RASL12: variants seen among roughly 807,000 people sequenced by gnomAD.
The protein encoded by RASL12 is ras-like protein family member 12.
In RASL12, 16 loss-of-function variants were observed where a neutral mutation model predicts 22.9. The ratio of observed to expected loss-of-function variants is 0.70; its 90% CI spans 0.47 to 1.06. The LOEUF is 1.06. Ranked by LOEUF, RASL12 falls within the 50% of genes least tolerant of loss-of-function variation. RASL12 has a pLI of 0.00. For synonymous variants in RASL12, 159 were observed against 152.2 expected (o/e 1.04, Z -0.33); for missense variants, 306 against 353.1 (o/e 0.87, Z 1.07).
At chr15:65,057,900 A>G (rs1477407435) in intron 4 of RASL12, among the ~76,000 whole-genome samples, 1 of 152,178 alleles carries the variant, frequency 6.6e-6, no homozygotes, top group African/African-American at 2.4e-5. Context: ...TTCAGGGTGC[A>G]GTTGCTGTGT....
intron 2 of RASL12, 64 bp downstream of exon 2, chr15:65,065,153 G>A (rs2232753): frequency 0.84 from 1,277,378 of 1,514,348 alleles, 539,490 homozygotes; most frequent in East Asian, 0.98. Context: ...CCCACGGGGT[G>A]GGTCCCAGGA....
chr15:65,068,941 C>T (rs555497348), upstream of RASL12, among the ~76,000 whole-genome samples: 98 of 152,336 alleles, frequency 6.4e-4, no homozygotes, highest in African/African-American at 2.3e-3. The surrounding 1 kb of genome is among the most constrained non-coding windows in gnomAD (Gnocchi z 4.2). Context: ...AGAATCAGCC[C>T]TGGGCTCCAG....
downstream of RASL12, among the ~76,000 whole-genome samples, chr15:65,048,709 T>TA (rs796240269): frequency 5.4e-4 from 82 of 152,246 alleles, 1 homozygote; most frequent in African/African-American, 1.8e-3. Flanking sequence ...CGTGTCCTTT[T>TA]AAAAAAATGT....
chr15:65,060,971 T>C (rs924125718), intron 2 of RASL12, among the ~76,000 whole-genome samples: 9 of 152,236 alleles, frequency 5.9e-5, no homozygotes, highest in African/African-American at 1.9e-4. Flanking sequence ...AATGTTTAAC[T>C]ATATTTGGTC....
At chr15:65,049,746 C>T (rs956319511), downstream of RASL12, 2 of 368,954 alleles carry the variant, frequency 5.4e-6, no homozygotes, top group Non-Finnish European at 9.8e-6. Flanking sequence ...CTCCCACTTC[C>T]AGTCTCTGCC....
upstream of RASL12, among the ~76,000 whole-genome samples, chr15:65,070,295 AATAAGT>A (rs1347990069): frequency 6.6e-6 from 1 of 152,236 alleles, no homozygotes; most frequent in East Asian, 1.9e-4. Flanking sequence ...GGACAATATC[AATAAGT>A]ATATTAGATA....
chr15:65,068,515 G>A (rs1173930064), upstream of RASL12, among the ~76,000 whole-genome samples: 1 of 152,188 alleles, frequency 6.6e-6, no homozygotes, highest in African/African-American at 2.4e-5. The surrounding 1 kb of genome is among the most constrained non-coding windows in gnomAD (Gnocchi z 4.2). Flanking sequence ...GGGGCGGGGC[G>A]GAGAGAACCC....
chr15:65,068,236 G>A, upstream of RASL12: 2 of 988,534 alleles, frequency 2.0e-6, no homozygotes, highest in African/African-American at 3.5e-5. The surrounding 1 kb of genome is among the most constrained non-coding windows in gnomAD (Gnocchi z 4.2). Context: ...CCAGGGCTAG[G>A]GGGAGAGAGG....
At chr15:65,058,643 CG>C (rs377580523) in intron 3 of RASL12, 26 bp from the exon 4 acceptor site, 9 of 1,469,602 alleles carry the variant, frequency 6.1e-6, no homozygotes, top group African/African-American at 5.6e-5. Context: ...GAAGCCCCGC[CG>C]GGGGGCAGAG....
At chr15:65,052,399 C>CTTT (rs34021026), downstream of RASL12, among the ~76,000 whole-genome samples, 35 of 76,336 alleles carry the variant, frequency 4.6e-4, no homozygotes, top group African/African-American at 1.2e-3. Context: ...GCATCCTTGG[C>CTTT]TTTTTTTTTT....
chr15:65,072,261 G>A (rs2086937065), upstream of RASL12, among the ~76,000 whole-genome samples: 2 of 152,196 alleles, frequency 1.3e-5, no homozygotes, highest in Admixed American at 1.3e-4. Flanking sequence ...CAGAGTCAGA[G>A]ATATTTCTGG....
At chr15:65,062,642 T>G (rs1427779892) in intron 2 of RASL12, among the ~76,000 whole-genome samples, 1 of 152,232 alleles carries the variant, frequency 6.6e-6, no homozygotes, top group Non-Finnish European at 1.5e-5. Flanking sequence ...AAGCTAGTAC[T>G]GTGCTACCTG....
chr15:65,059,303 T>C (rs774029991), intron 3 of RASL12, 42 bp downstream of exon 3: 2 of 1,551,742 alleles, frequency 1.3e-6, no homozygotes, highest in African/African-American at 2.7e-5. Flanking sequence ...CAGGAGGCTA[T>C]ACTGACTCAC....
chr15:65,066,623 T>C (rs542527002), intron 1 of RASL12, among the ~76,000 whole-genome samples: 1 of 152,330 alleles, frequency 6.6e-6, no homozygotes, highest in South Asian at 2.1e-4. Context: ...AAATTTAAAT[T>C]CTTTCTTTTA....
At chr15:65,062,124 G>C (rs1294454738) in intron 2 of RASL12, among the ~76,000 whole-genome samples, 1 of 152,008 alleles carries the variant, frequency 6.6e-6, no homozygotes, top group Non-Finnish European at 1.5e-5. Context: ...GAGAGCAAGA[G>C]GAGTGAGAAG....
chr15:65,046,769 C>T, the RASL12 span, among the ~76,000 whole-genome samples: 4 of 151,858 alleles, frequency 2.6e-5, no homozygotes, highest in African/African-American at 7.3e-5. Context: ...AAAAATTAGC[C>T]GGGCGTGGTG....
intron 2 of RASL12, among the ~76,000 whole-genome samples, chr15:65,060,784 A>C (rs890928977): frequency 2.6e-5 from 4 of 152,222 alleles, no homozygotes; most frequent in Non-Finnish European, 2.9e-5. Flanking sequence ...CTGAATTTAT[A>C]GTCAAACACT....
downstream of RASL12, chr15:65,053,044 A>AG (rs768918597): frequency 6.8e-6 from 11 of 1,614,110 alleles, no homozygotes; most frequent in Non-Finnish European, 9.3e-6. Flanking sequence ...ACAACAGCCT[A>AG]AACAACCTAA....
At position 65,058,599 on chromosome 15, in the gene RASL12, C is replaced by A; in HGVS notation, c.253G>T (p.Glu85Ter). ...GCATGGGCCCAGTTCAGGTAGCGCT[C>A]GCAGTTCCTGGGGGTGTCCTGGGGT... ...TADLDTPRNC[E>*]RYLNWAHAFL... is the part of the protein sequence containing the mutation. Residue 85 changes from glutamate (E) to a stop codon, truncating the protein, a stop_gained, in exon 4 of 5, where the codon GAG becomes TAG. Coordinates refer to ENST00000220062, the MANE Select transcript of RASL12 (RefSeq NM_016563.4). LOFTEE classifies it high-confidence loss of function. 6.4e-7 allele frequency: 1 copy of A among 1,574,792 alleles called. No homozygotes were observed. The highest frequency in any genetic ancestry group is 8.7e-7 in the Non-Finnish European group (1 of 1,153,964).
Sources: allele counts gnomAD v4.1 joint callset (sites outside exome capture counted in the v4.1 genomes callset), GRCh38; gene constraint gnomAD v4.1.1; non-coding constraint Gnocchi (gnomAD v3.1); transcripts MANE v1.5; gene names NCBI Gene and HGNC (gene_info 2026-07-23, HGNC 2026-07-21).